The following PALM2AKAP2 variants were observed in gnomAD, a reference collection of about 807,000 sequenced individuals.
PALM2AKAP2 encodes PALM2 and AKAP2 fusion.
Under a neutral mutation model 71.5 loss-of-function variants are expected in PALM2AKAP2, and 37 were observed. The ratio of observed to expected loss-of-function variants is 0.52; its 90% CI spans 0.40 to 0.68. The LOEUF (loss-of-function observed/expected upper bound fraction) is 0.68. Among genes scored for constraint, PALM2AKAP2 ranks in the 30% least tolerant of loss-of-function variants. The pLI, the probability that PALM2AKAP2 is intolerant of heterozygous loss-of-function variation, is 0.00. For synonymous variants in PALM2AKAP2, 468 were observed against 478.8 expected, an observed-to-expected ratio of 0.98 and a Z score of 0.29; for missense variants, 1,224 against 1,191.8, an observed-to-expected ratio of 1.03 and a Z score of -0.40.
At chr9:110,072,715 C>T (rs1406129181) in intron 1 of PALM2AKAP2, among the ~76,000 whole-genome samples, 2 of 152,186 alleles carry the variant, frequency 1.3e-5, no homozygotes, top group Admixed American at 6.5e-5. Flanking sequence ...AATCTGTCCT[C>T]ATGATCTTGC....
chr9:109,972,345 T>C (rs1389517343), intron 6 of PALM2AKAP2, among the ~76,000 whole-genome samples: 1 of 152,208 alleles, frequency 6.6e-6, no homozygotes, highest in Non-Finnish European at 1.5e-5. Flanking sequence ...GAGTATTCTT[T>C]GGGGAACCTG....
intron 7 of PALM2AKAP2, among the ~76,000 whole-genome samples, chr9:110,038,994 T>C (rs1161280259): frequency 6.8e-6 from 1 of 146,678 alleles, no homozygotes; most frequent in Non-Finnish European, 1.5e-5. Context: ...CCTGGTGTGG[T>C]AAACCAGCAA....
intron 1 of PALM2AKAP2, among the ~76,000 whole-genome samples, chr9:110,105,005 T>C (rs1835082206): frequency 6.6e-6 from 1 of 152,226 alleles, no homozygotes; most frequent in Non-Finnish European, 1.5e-5. Flanking sequence ...GGTTAAGTGG[T>C]ATTATTTCTT....
intron 1 of PALM2AKAP2, among the ~76,000 whole-genome samples, chr9:109,737,233 T>C (rs565418616): frequency 4.8e-4 from 73 of 152,328 alleles, no homozygotes; most frequent in African/African-American, 1.7e-3. Flanking sequence ...AGGAAAAATG[T>C]GAGCACCAGT....
intron 1 of PALM2AKAP2, among the ~76,000 whole-genome samples, chr9:110,082,310 C>T (rs1310237155): frequency 1.3e-5 from 2 of 152,160 alleles, no homozygotes; most frequent in African/African-American, 2.4e-5. Context: ...CCCACCTCAG[C>T]CTCCCAAAGT....
intron 1 of PALM2AKAP2, among the ~76,000 whole-genome samples, chr9:109,660,451 G>T (rs1827375291): frequency 6.6e-6 from 1 of 152,004 alleles, no homozygotes; most frequent in Non-Finnish European, 1.5e-5. Flanking sequence ...GCTGTGTTTG[G>T]TTTTCTGTCC....
chr9:109,883,246 A>G (rs1197204400), intron 3 of PALM2AKAP2, among the ~76,000 whole-genome samples: 2 of 152,218 alleles, frequency 1.3e-5, no homozygotes, highest in Non-Finnish European at 2.9e-5. Context: ...CTTTACGTCA[A>G]TGGAATAAAG....
At chr9:109,651,274 A>T (rs1267218813) in intron 1 of PALM2AKAP2, among the ~76,000 whole-genome samples, 1 of 152,168 alleles carries the variant, frequency 6.6e-6, no homozygotes, top group Non-Finnish European at 1.5e-5. Context: ...TGGCCAGGGC[A>T]TCTTTCCTCT....
chr9:109,726,136 C>T (rs1304829966), intron 1 of PALM2AKAP2, among the ~76,000 whole-genome samples: 1 of 152,172 alleles, frequency 6.6e-6, no homozygotes, highest in Non-Finnish European at 1.5e-5. Flanking sequence ...TATGAGTCTG[C>T]CTCCCTCTAT....
intron 3 of PALM2AKAP2, among the ~76,000 whole-genome samples, chr9:109,912,188 T>C (rs1830585301): frequency 1.3e-5 from 2 of 151,736 alleles, no homozygotes; most frequent in South Asian, 4.2e-4. Context: ...CGAAGAAGTT[T>C]GATGGGGTTT....
At chr9:109,913,327 T>C (rs1171859326) in intron 3 of PALM2AKAP2, among the ~76,000 whole-genome samples, 1 of 152,238 alleles carries the variant, frequency 6.6e-6, no homozygotes, top group East Asian at 1.9e-4. Flanking sequence ...CTTTCTGATA[T>C]AATTCAGCTG....
intron 1 of PALM2AKAP2, among the ~76,000 whole-genome samples, chr9:109,757,633 A>G (rs1227369105): frequency 6.6e-6 from 1 of 152,064 alleles, no homozygotes; most frequent in African/African-American, 2.4e-5. Flanking sequence ...GTGTGCATTG[A>G]TCATGAAGAG....
At chr9:109,666,428 A>C (rs141326959) in intron 1 of PALM2AKAP2, among the ~76,000 whole-genome samples, 2 of 152,300 alleles carry the variant, frequency 1.3e-5, no homozygotes, top group East Asian at 1.9e-4. Flanking sequence ...TGTATTTTTC[A>C]TTAAATGGAA....
chr9:109,979,277 G>A (rs1832225484), intron 6 of PALM2AKAP2, among the ~76,000 whole-genome samples: 1 of 152,212 alleles, frequency 6.6e-6, no homozygotes, highest in Admixed American at 6.5e-5. Flanking sequence ...ACAAGTGTTA[G>A]CCATTGCGCC....
At chr9:110,144,422 C>T (rs1836111290) in intron 2 of PALM2AKAP2, among the ~76,000 whole-genome samples, 1 of 152,178 alleles carries the variant, frequency 6.6e-6, no homozygotes, top group South Asian at 2.1e-4. Flanking sequence ...TTTATCAAGG[C>T]CTTAAAGCTG....
intron 1 of PALM2AKAP2, among the ~76,000 whole-genome samples, chr9:109,843,363 C>G (rs1024765585): frequency 1.3e-5 from 2 of 150,620 alleles, no homozygotes; most frequent in South Asian, 4.2e-4. Flanking sequence ...TTTACATCTC[C>G]TCTCATTAAT....
intron 1 of PALM2AKAP2, among the ~76,000 whole-genome samples, chr9:109,658,662 A>G (rs1827344430): frequency 6.6e-6 from 1 of 152,170 alleles, no homozygotes; most frequent in African/African-American, 2.4e-5. Context: ...CCTCACAATC[A>G]TGGTGGAGGG....
At chr9:109,924,787 G>T (rs1021965925) in intron 4 of PALM2AKAP2, among the ~76,000 whole-genome samples, 3 of 152,170 alleles carry the variant, frequency 2.0e-5, no homozygotes, top group African/African-American at 7.2e-5. Context: ...TTTAGGATGG[G>T]ATTTTCTGAT....
chr9:109,737,746 T>A (rs974288810), intron 1 of PALM2AKAP2, among the ~76,000 whole-genome samples: 1 of 152,236 alleles, frequency 6.6e-6, no homozygotes, highest in Non-Finnish European at 1.5e-5. Flanking sequence ...TTAGCAAATA[T>A]GTAAGTAGTT....
Sources: allele counts gnomAD v4.1 joint callset (sites outside exome capture counted in the v4.1 genomes callset), GRCh38; gene constraint gnomAD v4.1.1; transcripts MANE v1.5; gene names NCBI Gene and HGNC (gene_info 2026-07-23, HGNC 2026-07-21).